The following CREB1 variants were observed in gnomAD, a reference collection of about 807,000 sequenced individuals.
CREB1 encodes cAMP responsive element binding protein 1.
Under a neutral mutation model 42.0 loss-of-function variants are expected in CREB1, and 2 were observed. That is an observed-to-expected ratio of 0.05 (90% CI 0.02 to 0.15). The LOEUF (loss-of-function observed/expected upper bound fraction) is 0.15, where lower values mean the gene tolerates loss of function less well. Ranked by LOEUF, CREB1 falls within the 10% of genes least tolerant of loss-of-function variation. CREB1 has a pLI of 1.00. For missense variants in CREB1, 199 were observed against 388.9 expected, an observed-to-expected ratio of 0.51 and a Z score of 4.11; for synonymous variants, 123 against 139.9, an observed-to-expected ratio of 0.88 and a Z score of 0.85.
chr2:207,588,066 A>G (rs2084217900), intron 7 of CREB1, among the ~76,000 whole-genome samples: 1 of 152,250 alleles, frequency 6.6e-6, no homozygotes, highest in Non-Finnish European at 1.5e-5. Flanking sequence ...ATAAATGTCT[A>G]CAGTTATTTT....
chr2:207,590,503 G>A (rs1348538295), intron 7 of CREB1, among the ~76,000 whole-genome samples: 1 of 151,334 alleles, frequency 6.6e-6, no homozygotes, highest in African/African-American at 2.4e-5. Context: ...GGTTTTTTTA[G>A]TTGTTCTCTT....
intron 1 of CREB1, among the ~76,000 whole-genome samples, chr2:207,542,749 A>T (rs1196318942): frequency 6.6e-6 from 1 of 152,138 alleles, no homozygotes; most frequent in Non-Finnish European, 1.5e-5. Flanking sequence ...ATAAACATTT[A>T]AAAAATATCT....
chr2:207,554,103 A>G (rs1431733861), intron 1 of CREB1, among the ~76,000 whole-genome samples: 1 of 152,148 alleles, frequency 6.6e-6, no homozygotes, highest in Non-Finnish European at 1.5e-5. Context: ...TATCGATTAT[A>G]TGGTCAGTGC....
At chr2:207,572,119 G>T (rs565218425) in intron 5 of CREB1, among the ~76,000 whole-genome samples, 1 of 151,684 alleles carries the variant, frequency 6.6e-6, no homozygotes, top group Non-Finnish European at 1.5e-5. Flanking sequence ...CCAGCTACTC[G>T]GGAGGCTGAG....
chr2:207,565,537 A>AT (rs2082109094), intron 3 of CREB1, among the ~76,000 whole-genome samples: 1 of 152,024 alleles, frequency 6.6e-6, no homozygotes, highest in Non-Finnish European at 1.5e-5. Flanking sequence ...TAGAAAAAAA[A>AT]AGGACACAGA....
intron 5 of CREB1, chr2:207,571,796 T>A (rs1383754598): frequency 1.3e-5 from 6 of 448,214 alleles, no homozygotes; most frequent in Non-Finnish European, 2.2e-5. Context: ...AGATTCTCAC[T>A]TGAACTAGGA....
At chr2:207,568,869 C>A (rs533147385) in intron 4 of CREB1, among the ~76,000 whole-genome samples, 1 of 152,068 alleles carries the variant, frequency 6.6e-6, no homozygotes, top group African/African-American at 2.4e-5. Context: ...AAACATTTAA[C>A]ACTGTACCAA....
intron 1 of CREB1, among the ~76,000 whole-genome samples, chr2:207,539,912 T>G (rs1353995302): frequency 6.6e-6 from 1 of 152,174 alleles, no homozygotes; most frequent in Non-Finnish European, 1.5e-5. Context: ...TATTAGATTA[T>G]AGATCTACAT....
At chr2:207,536,214 A>G (rs1027815440) in intron 1 of CREB1, among the ~76,000 whole-genome samples, 23 of 152,346 alleles carry the variant, frequency 1.5e-4, no homozygotes, top group Admixed American at 6.5e-4. Flanking sequence ...GATTAATAAT[A>G]TAGCAGCAAG....
intron 1 of CREB1, among the ~76,000 whole-genome samples, chr2:207,553,062 C>CTTTTT (rs10561230): frequency 4.7e-5 from 3 of 63,216 alleles, no homozygotes; most frequent in African/African-American, 1.2e-4. Context: ...TACAGGTAGA[C>CTTTTT]TTTTTTTTTT....
chr2:207,534,799 T>G (rs1440269362), intron 1 of CREB1: 1 of 152,240 alleles, frequency 6.6e-6, no homozygotes, highest in Non-Finnish European at 1.5e-5. Context: ...CTTGCCCTAT[T>G]ACCTAAGTGT....
intron 2 of CREB1, among the ~76,000 whole-genome samples, chr2:207,558,673 T>A (rs999720950): frequency 2.0e-5 from 3 of 151,820 alleles, no homozygotes; most frequent in African/African-American, 7.3e-5. Context: ...AGATGGAGTT[T>A]TGTTCTTATT....
intron 1 of CREB1, among the ~76,000 whole-genome samples, chr2:207,555,213 A>G (rs1269660565): frequency 1.3e-5 from 2 of 152,186 alleles, no homozygotes; most frequent in Non-Finnish European, 2.9e-5. Context: ...GCCAATATCT[A>G]ATAAACTCTG....
chr2:207,557,245 G>C (rs2081765013), intron 2 of CREB1, among the ~76,000 whole-genome samples: 1 of 152,128 alleles, frequency 6.6e-6, no homozygotes, highest in Non-Finnish European at 1.5e-5. Context: ...TGTCCCCAGA[G>C]TAGGCTGTAT....
chr2:207,560,244 C>G lies in CREB1; in HGVS notation c.133C>G (p.His45Asp). The change falls in exon 3 of 8, where the codon CAT becomes GAT. Residue 45 changes from histidine to aspartate, a missense_variant. This residue lies in a region of CREB1 where 53 missense variants were observed against 57.1 expected (regional missense o/e 0.93). Coordinates refer to ENST00000353267, the MANE Select transcript of CREB1 (RefSeq NM_004379.5). ...ACCATAGGTATCTATGCCAGCAGCT[C>G]ATGCAACATCATCTGCTCCCACCGT... ...TLAQVSMPAA[H>D]ATSSAPTVTL... The G allele has an allele frequency of 6.2e-7, 1 of 1,610,920 alleles. No homozygotes were observed. Among genetic ancestry groups the G allele is most frequent in the Non-Finnish European group, 8.5e-7 (1 of 1,177,694 alleles).
At chr2:207,560,937 T>G (rs2081934720) in intron 3 of CREB1, among the ~76,000 whole-genome samples, 1 of 152,142 alleles carries the variant, frequency 6.6e-6, no homozygotes, top group Admixed American at 6.5e-5. Context: ...GATCTTTCCT[T>G]TGGGTTTGAT....
intron 1 of CREB1, among the ~76,000 whole-genome samples, chr2:207,534,901 C>T (rs963969904): frequency 6.6e-6 from 1 of 152,138 alleles, no homozygotes; most frequent in Non-Finnish European, 1.5e-5. Flanking sequence ...CAAATGGTAG[C>T]ATACTAGGTA....
At chr2:207,582,587 A>G (rs2083111038) in intron 7 of CREB1, among the ~76,000 whole-genome samples, 1 of 152,040 alleles carries the variant, frequency 6.6e-6, no homozygotes, top group African/African-American at 2.4e-5. Flanking sequence ...TTTTAAGCAC[A>G]TCTTTACTTT....
intron 7 of CREB1, among the ~76,000 whole-genome samples, chr2:207,594,394 C>T (rs1340111003): frequency 1.3e-5 from 2 of 152,158 alleles, no homozygotes; most frequent in Non-Finnish European, 2.9e-5. Context: ...CTCGTTCCCC[C>T]AGCCCCTGGC....
Sources: gnomAD v4.1 joint callset for allele counts (sites outside exome capture counted in the v4.1 genomes callset) on GRCh38, gnomAD v4.1.1 for gene constraint, gnomAD v4.1.1 regional missense constraint, MANE v1.5 for transcripts, NCBI Gene and HGNC (gene_info 2026-07-23, HGNC 2026-07-21) for gene names.